Variants in OXSR1 observed in about 807,000 individuals in gnomAD.
OXSR1 encodes the protein oxidative stress responsive kinase 1, also known as serine/threonine-protein kinase OSR1.
In OXSR1, 24 loss-of-function variants were observed where a neutral mutation model predicts 79.8. The observed-to-expected ratio is 0.30, with a 90% CI of 0.22 to 0.42. The LOEUF (loss-of-function observed/expected upper bound fraction) is 0.42. Ranked by LOEUF, OXSR1 falls within the 10% of genes least tolerant of loss-of-function variation. OXSR1 has a pLI of 1.00. For synonymous variants in OXSR1, 226 were observed against 209.2 expected, an observed-to-expected ratio of 1.08 and a Z score of -0.69; for missense variants, 430 against 618.4, an observed-to-expected ratio of 0.70 and a Z score of 3.23.
intron 1 of OXSR1, among the ~76,000 whole-genome samples, chr3:38,166,364 C>T (rs796192940): frequency 6.6e-6 from 1 of 152,084 alleles, no homozygotes; most frequent in Non-Finnish European, 1.5e-5. Context: ...AGTTTTTCCT[C>T]CATCCGTGCT....
intron 2 of OXSR1, among the ~76,000 whole-genome samples, chr3:38,185,241 C>T (rs929562312): frequency 6.6e-6 from 1 of 152,226 alleles, no homozygotes; most frequent in East Asian, 1.9e-4. Context: ...CAACCATAGG[C>T]AACACCAACA....
At chr3:38,190,097 G>T (rs1167175264) in intron 2 of OXSR1, among the ~76,000 whole-genome samples, 1 of 152,040 alleles carries the variant, frequency 6.6e-6, no homozygotes, top group Non-Finnish European at 1.5e-5. Context: ...GCACAATAGG[G>T]TTAAATGTCC....
intron 1 of OXSR1, among the ~76,000 whole-genome samples, chr3:38,169,657 A>G (rs779102456): frequency 2.7e-5 from 4 of 149,058 alleles, no homozygotes; most frequent in Non-Finnish European, 5.9e-5. Flanking sequence ...TTGTATGTGT[A>G]TTCATTCTGG....
chr3:38,248,417 C>T (rs1381854719), intron 14 of OXSR1, among the ~76,000 whole-genome samples: 1 of 129,918 alleles, frequency 7.7e-6, no homozygotes, highest in African/African-American at 2.9e-5. Flanking sequence ...TGTTGTATTG[C>T]TCTAGTTAGG....
chr3:38,249,912 C>G, intron 14 of OXSR1, 54 bp from the exon 15 acceptor site: 1 of 1,054,354 alleles, frequency 9.5e-7, no homozygotes, highest in South Asian at 1.3e-5. Context: ...TTGGCAGAAT[C>G]TCTTTGCATA....
intron 12 of OXSR1, 109 bp downstream of exon 12, chr3:38,242,887 CT>C: frequency 1.9e-6 from 1 of 537,618 alleles, no homozygotes; most frequent in South Asian, 3.6e-5. Context: ...GGGAATGCAA[CT>C]TTATACCAAT....
intron 14 of OXSR1, among the ~76,000 whole-genome samples, chr3:38,249,042 G>A (rs1703201838): frequency 6.6e-6 from 1 of 152,138 alleles, no homozygotes; most frequent in African/African-American, 2.4e-5. Context: ...ATGTACCTGT[G>A]TAGAAAGAAC....
intron 4 of OXSR1, among the ~76,000 whole-genome samples, chr3:38,201,689 G>A (rs1286332357): frequency 1.3e-5 from 2 of 149,342 alleles, no homozygotes; most frequent in East Asian, 1.9e-4. Context: ...CAGCTTAGGC[G>A]ACAGAGCGAG....
chr3:38,211,900 T>C (rs1463892272), intron 4 of OXSR1, among the ~76,000 whole-genome samples: 2 of 152,226 alleles, frequency 1.3e-5, no homozygotes, highest in Non-Finnish European at 2.9e-5. Flanking sequence ...AGGGTGTGTT[T>C]TGGGTCAAGG....
chr3:38,238,737 T>C (rs1010310505), intron 11 of OXSR1, among the ~76,000 whole-genome samples: 2 of 152,090 alleles, frequency 1.3e-5, no homozygotes, highest in African/African-American at 4.8e-5. Context: ...TTTTAAGATT[T>C]CCTCTTTACA....
chr3:38,215,725 G>A (rs1275820278), intron 4 of OXSR1, among the ~76,000 whole-genome samples: 2 of 152,108 alleles, frequency 1.3e-5, no homozygotes, highest in Non-Finnish European at 2.9e-5. Context: ...GGCAAAGAAT[G>A]TTCCCTGTTT....
At chr3:38,219,962 A>G (rs1345934618) in intron 5 of OXSR1, among the ~76,000 whole-genome samples, 1 of 151,992 alleles carries the variant, frequency 6.6e-6, no homozygotes, top group African/African-American at 2.4e-5. Context: ...TGCCTGCCAC[A>G]ATGCCCAGCT....
rs1380118774 is a variant in OXSR1 at position 38,165,802 on chromosome 3, G to C, written c.-75G>C. On this transcript the variant is annotated 5_prime_UTR_variant, in exon 1 of 18. Transcript: ENST00000311806. Reference sequence around the variant, plus strand: ...GGCGGCGGCGGCGGCGGCTGTTGGGGGTGGGGAGACGCGCGGCGAGGAGAC... The same window carrying C: ...GGCGGCGGCGGCGGCGGCTGTTGGGCGTGGGGAGACGCGCGGCGAGGAGAC... The C allele has an allele frequency of 2.3e-6, 3 of 1,317,574 alleles. No individual in the cohort carries two copies. Among genetic ancestry groups the C allele is most frequent in the African/African-American group, 1.4e-5 (1 of 69,042 alleles). The allele number at this position is 1,317,574 out of a possible 1,614,324, so 81.6% of individuals were successfully genotyped here.
At chr3:38,193,100 G>A (rs983444125) in intron 3 of OXSR1, among the ~76,000 whole-genome samples, 1 of 152,134 alleles carries the variant, frequency 6.6e-6, no homozygotes, top group African/African-American at 2.4e-5. Flanking sequence ...TAAATGTGGG[G>A]TTACCTTTCT....
intron 3 of OXSR1, chr3:38,193,412 G>A (rs1380910794): frequency 1.6e-6 from 2 of 1,285,438 alleles, no homozygotes; most frequent in Non-Finnish European, 2.0e-6. Context: ...AGATATGGGA[G>A]TATTAGGTAA....
chr3:38,228,839 T>C (rs537377209), intron 8 of OXSR1, among the ~76,000 whole-genome samples: 1 of 152,312 alleles, frequency 6.6e-6, no homozygotes, highest in East Asian at 1.9e-4. Context: ...CCCAAAGTTC[T>C]GGGATTACAA....
intron 1 of OXSR1, among the ~76,000 whole-genome samples, chr3:38,167,149 C>G (rs1268218003): frequency 6.6e-6 from 1 of 152,186 alleles, no homozygotes; most frequent in Non-Finnish European, 1.5e-5. Context: ...TTAAGTATCA[C>G]TGGAGGCCCT....
At chr3:38,251,798 G>A (rs1703262453) in intron 16 of OXSR1, among the ~76,000 whole-genome samples, 1 of 152,176 alleles carries the variant, frequency 6.6e-6, no homozygotes, top group African/African-American at 2.4e-5. Flanking sequence ...GGCCCAAGTT[G>A]AGCAAAAGTC....
At chr3:38,174,970 T>A in intron 1 of OXSR1, among the ~76,000 whole-genome samples, 1 of 152,220 alleles carries the variant, frequency 6.6e-6, no homozygotes, top group East Asian at 1.9e-4. Context: ...ATGATTTTTA[T>A]GATGATGACT....
Sources: gnomAD v4.1 joint callset for allele counts (sites outside exome capture counted in the v4.1 genomes callset) on GRCh38, gnomAD v4.1.1 for gene constraint, MANE v1.5 for transcripts, NCBI Gene and HGNC (gene_info 2026-07-23, HGNC 2026-07-21) for gene names.